Variants in DNAH8 observed in about 807,000 individuals in gnomAD.
DNAH8 encodes the protein dynein axonemal heavy chain 8.
DNAH8 carries 382 observed loss-of-function variants against 562.1 expected under a neutral mutation model. The observed-to-expected ratio is 0.68, with a 90% CI of 0.63 to 0.74. The LOEUF (loss-of-function observed/expected upper bound fraction) is 0.74. Ranked by LOEUF, DNAH8 falls within the 30% of genes least tolerant of loss-of-function variation. The probability of loss-of-function intolerance (pLI) is 0.00; values close to 1 mark genes in which losing one functional copy is unlikely to be tolerated. For missense variants in DNAH8, 5,203 were observed against 5,620.4 expected (o/e 0.93, Z 2.37); for synonymous variants, 1,881 against 1,919.4 (o/e 0.98, Z 0.52).
intron 66 of DNAH8, among the ~76,000 whole-genome samples, chr6:38,911,886 G>A (rs564266497): frequency 6.6e-6 from 1 of 152,270 alleles, no homozygotes; most frequent in Admixed American, 6.5e-5. Flanking sequence ...GCCAGCTTTT[G>A]GGAATGGACA....
intron 55 of DNAH8, 141 bp downstream of exon 55, chr6:38,883,597 GCTTT>G: frequency 9.7e-7 from 1 of 1,025,736 alleles, no homozygotes; most frequent in Non-Finnish European, 1.3e-6. Context: ...CAGCTGTTTA[GCTTT>G]CCTAAGGCTA....
intron 82 of DNAH8, among the ~76,000 whole-genome samples, chr6:38,964,710 T>A (rs1762857557): frequency 6.6e-6 from 1 of 152,156 alleles, no homozygotes; most frequent in Non-Finnish European, 1.5e-5. Flanking sequence ...AACTGTTTTC[T>A]GATAATATTT....
chr6:38,932,162 T>C (rs1782594680), intron 76 of DNAH8, among the ~76,000 whole-genome samples, 169 bp downstream of exon 76: 1 of 138,018 alleles, frequency 7.2e-6, no homozygotes, highest in Non-Finnish European at 1.5e-5. Context: ...ATCATGTAAC[T>C]CATCTTCTCA....
intron 11 of DNAH8, among the ~76,000 whole-genome samples, chr6:38,767,146 C>T (rs1467514126): frequency 6.6e-6 from 1 of 152,028 alleles, no homozygotes; most frequent in Non-Finnish European, 1.5e-5. Flanking sequence ...AAATAATTCC[C>T]CAAACTCAGG....
At chr6:38,813,524 A>G (rs1416380182) in intron 24 of DNAH8, among the ~76,000 whole-genome samples, 1 of 152,158 alleles carries the variant, frequency 6.6e-6, no homozygotes, top group Non-Finnish European at 1.5e-5. Context: ...TGCCTGGGAT[A>G]GGGGTGGAGG....
At chr6:38,907,830 TG>T in intron 63 of DNAH8, 125 bp from the exon 64 acceptor site, 2 of 779,494 alleles carry the variant, frequency 2.6e-6, no homozygotes, top group South Asian at 3.2e-5. Context: ...GATTTGACTG[TG>T]GAGATGCTGA....
At chr6:39,017,485 G>A (rs924700102) in intron 91 of DNAH8, among the ~76,000 whole-genome samples, 1 of 152,094 alleles carries the variant, frequency 6.6e-6, no homozygotes, top group African/African-American at 2.4e-5. Context: ...TGACTCACAG[G>A]GGCTGCTAAT....
intron 35 of DNAH8, among the ~76,000 whole-genome samples, 199 bp from the exon 36 acceptor site, chr6:38,845,375 G>A (rs531067526): frequency 4.2e-4 from 64 of 152,248 alleles, no homozygotes; most frequent in African/African-American, 1.5e-3. Flanking sequence ...TTAGTAGTCG[G>A]CGATTAGTAA....
chr6:38,741,017 C>T (rs1308832988), intron 7 of DNAH8, among the ~76,000 whole-genome samples: 1 of 151,880 alleles, frequency 6.6e-6, no homozygotes, highest in African/African-American at 2.4e-5. Flanking sequence ...CTTTAGTTAC[C>T]TTGTTCTGGG....
chr6:38,933,636 C>G (rs1023667454), intron 76 of DNAH8, among the ~76,000 whole-genome samples: 1 of 152,170 alleles, frequency 6.6e-6, no homozygotes, highest in Non-Finnish European at 1.5e-5. Flanking sequence ...CAGGGGTGAC[C>G]ATTTTAATGA....
At chr6:38,811,370 A>G (rs1349535632) in intron 24 of DNAH8, among the ~76,000 whole-genome samples, 10 of 152,204 alleles carry the variant, frequency 6.6e-5, no homozygotes, top group African/African-American at 2.2e-4. Flanking sequence ...TGGTTATTTC[A>G]TATGTTGGGG....
chr6:38,811,484 G>T (rs1005934888), intron 24 of DNAH8, among the ~76,000 whole-genome samples: 5 of 152,162 alleles, frequency 3.3e-5, no homozygotes, highest in African/African-American at 1.2e-4. Flanking sequence ...CTATTCTAAA[G>T]ATTTTGTCAT....
intron 91 of DNAH8, among the ~76,000 whole-genome samples, chr6:39,020,392 A>G (rs1046478810): frequency 6.6e-6 from 1 of 152,162 alleles, no homozygotes; most frequent in Non-Finnish European, 1.5e-5. Flanking sequence ...TGGTTCTCAC[A>G]CCTGCCTCCA....
At chr6:38,908,173 G>A in intron 64 of DNAH8, 53 bp downstream of exon 64, 1 of 1,118,188 alleles carries the variant, frequency 8.9e-7, no homozygotes, top group Non-Finnish European at 1.2e-6. Flanking sequence ...TTATTTAAAG[G>A]TGCTTAGTTT....
chr6:38,759,142 A>G (rs189379698), intron 10 of DNAH8, among the ~76,000 whole-genome samples: 110 of 152,144 alleles, frequency 7.2e-4, no homozygotes, highest in African/African-American at 2.4e-3. Context: ...GGCTCTACAA[A>G]AAAAAATTTT....
In DNAH8 at chr6:38,875,680, C is replaced by T; in HGVS notation, c.7710C>T (p.Gly2570=). The change falls in exon 53 of 93, where the codon GGC becomes GGT. Residue 2570 remains glycine (G), a synonymous_variant. Transcript: ENST00000327475. ...ATCTTCATAAATTATTTGTGTTTGG[C>T]CTAATGTGGAGTTTAGGAGCCCTTC... ...VEHLHKLFVF[G]LMWSLGALLE... The T allele has an allele frequency of 1.2e-6, 2 of 1,613,744 alleles. No homozygotes were observed. The highest frequency in any genetic ancestry group is 1.7e-6 in the Non-Finnish European group (2 of 1,179,786).
At chr6:38,791,745 C>A in intron 21 of DNAH8, 71 bp downstream of exon 21, 1 of 1,511,252 alleles carries the variant, frequency 6.6e-7, no homozygotes, top group South Asian at 1.2e-5. Context: ...AAATTTCAGT[C>A]TAAAAGTAGA....
At position 38,723,584 on chromosome 6, in the gene DNAH8, C is replaced by T. The variant is rs72856598; in HGVS notation, c.525+113C>T. ...CAACAACAAAAATCATTCAGAAAGA[C>T]AAAGTTGGGGCAGGGCACAGTGGCT... On this transcript the variant is annotated intron_variant, in intron 3 of 92. Coordinates refer to ENST00000327475, the MANE Select transcript of DNAH8 (RefSeq NM_001206927.2). 0.22 allele frequency: 299,951 copies of T among 1,370,864 alleles called. 35,967 individuals carry two copies. Among genetic ancestry groups the T allele is most frequent in the Non-Finnish European group, 0.25 (253,268 of 1,012,628 alleles). 84.9% of individuals were successfully genotyped at this position (1,370,864 alleles called of 1,614,324 possible). A position where few individuals can be genotyped will look rare whatever the true frequency, so the allele number is the denominator to read the frequency against.
chr6:38,944,668 A>G (rs770329943), intron 79 of DNAH8, among the ~76,000 whole-genome samples: 1 of 152,242 alleles, frequency 6.6e-6, no homozygotes, highest in Non-Finnish European at 1.5e-5. Flanking sequence ...GATATGCTTC[A>G]GAATATGATC....
Sources: gnomAD v4.1 joint callset for allele counts (sites outside exome capture counted in the v4.1 genomes callset) on GRCh38, gnomAD v4.1.1 for gene constraint, MANE v1.5 for transcripts, NCBI Gene and HGNC (gene_info 2026-07-23, HGNC 2026-07-21) for gene names.